Variants in SNTG1 observed in about 807,000 individuals in gnomAD.
SNTG1 encodes the protein syntrophin gamma 1.
In SNTG1, 39 loss-of-function variants were observed where a neutral mutation model predicts 74.7. The ratio of observed to expected loss-of-function variants is 0.52; its 90% CI spans 0.40 to 0.68. The LOEUF (loss-of-function observed/expected upper bound fraction) is 0.68, where lower values mean the gene tolerates loss of function less well. Among genes scored for constraint, SNTG1 ranks in the 30% least tolerant of loss-of-function variants. The probability of loss-of-function intolerance (pLI) is 0.00; values close to 1 mark genes in which losing one functional copy is unlikely to be tolerated. For missense variants in SNTG1, 685 were observed against 609.5 expected (o/e 1.12, Z -1.30); for synonymous variants, 254 against 217.1 (o/e 1.17, Z -1.49).
chr8:50,087,607 C>T (rs1823016599), intron 1 of SNTG1, among the ~76,000 whole-genome samples: 1 of 152,038 alleles, frequency 6.6e-6, no homozygotes, highest in African/African-American at 2.4e-5. Context: ...ATATATTCTA[C>T]TTAGTTCTGT....
intron 1 of SNTG1, among the ~76,000 whole-genome samples, chr8:50,115,623 T>C (rs1323593770): frequency 6.9e-6 from 1 of 144,584 alleles, no homozygotes; most frequent in Non-Finnish European, 1.5e-5. Context: ...AAAGTTGCTA[T>C]GATACTCTGC....
At chr8:50,738,379 A>C (rs2095534351) in intron 17 of SNTG1, among the ~76,000 whole-genome samples, 1 of 152,304 alleles carries the variant, frequency 6.6e-6, no homozygotes, top group East Asian at 1.9e-4. Flanking sequence ...TTCAAAGAGA[A>C]CTAGAAACCA....
intron 9 of SNTG1, among the ~76,000 whole-genome samples, chr8:50,525,488 G>A (rs996856149): frequency 4.0e-5 from 6 of 151,440 alleles, no homozygotes; most frequent in Admixed American, 3.3e-4. Context: ...TTCTTTTTTC[G>A]GACTTCTATA....
At chr8:49,959,796 T>G (rs551085449) in intron 1 of SNTG1, among the ~76,000 whole-genome samples, 10 of 152,206 alleles carry the variant, frequency 6.6e-5, no homozygotes, top group Non-Finnish European at 1.2e-4. Flanking sequence ...ATGCTATAAT[T>G]TACAGTTAGT....
intron 2 of SNTG1, among the ~76,000 whole-genome samples, chr8:50,329,410 C>T (rs917253058): frequency 1.2e-4 from 19 of 152,204 alleles, no homozygotes; most frequent in African/African-American, 3.6e-4. Context: ...GACATCCGCG[C>T]ATTCCCAAAC....
At chr8:50,506,484 T>A (rs1278347251) in intron 9 of SNTG1, among the ~76,000 whole-genome samples, 1 of 152,094 alleles carries the variant, frequency 6.6e-6, no homozygotes, top group Non-Finnish European at 1.5e-5. Flanking sequence ...CAGCATGGGA[T>A]GTCTTTCTAT....
chr8:50,283,048 C>T (rs1272038837), intron 2 of SNTG1, among the ~76,000 whole-genome samples: 1 of 152,034 alleles, frequency 6.6e-6, no homozygotes, highest in Non-Finnish European at 1.5e-5. Flanking sequence ...TGTATTTTAC[C>T]GTATTGCTCC....
intron 4 of SNTG1, among the ~76,000 whole-genome samples, chr8:50,410,546 C>T (rs1342261345): frequency 6.6e-6 from 1 of 152,126 alleles, no homozygotes; most frequent in East Asian, 1.9e-4. Flanking sequence ...TATACATACA[C>T]ATTGTGTAAT....
intron 2 of SNTG1, among the ~76,000 whole-genome samples, chr8:50,327,147 G>A (rs546515961): frequency 6.6e-6 from 1 of 152,078 alleles, no homozygotes; most frequent in Admixed American, 6.6e-5. Context: ...ATGTGAGCTT[G>A]AGAAGAATGT....
At chr8:49,955,065 G>T (rs1211151973) in intron 1 of SNTG1, among the ~76,000 whole-genome samples, 1 of 152,134 alleles carries the variant, frequency 6.6e-6, no homozygotes, top group Non-Finnish European at 1.5e-5. Context: ...GGTATCTTTA[G>T]TGTTATGTTT....
intron 1 of SNTG1, among the ~76,000 whole-genome samples, chr8:49,983,257 G>A (rs944685222): frequency 3.3e-5 from 5 of 152,128 alleles, no homozygotes; most frequent in Non-Finnish European, 5.9e-5. Context: ...ATTAATCATT[G>A]TAAACAGCGA....
chr8:50,417,389 T>A (rs1332713088), intron 4 of SNTG1, among the ~76,000 whole-genome samples: 3 of 152,162 alleles, frequency 2.0e-5, no homozygotes, highest in African/African-American at 7.2e-5. Flanking sequence ...ACCTATGTGA[T>A]CCTCACACTT....
At chr8:50,756,151 C>T (rs1222972448) in intron 18 of SNTG1, among the ~76,000 whole-genome samples, 1 of 151,796 alleles carries the variant, frequency 6.6e-6, no homozygotes, top group Admixed American at 6.6e-5. Context: ...TTTTCCTTAG[C>T]ATCTTTTATC....
At chr8:50,111,591 ACC>A (rs2080591689) in intron 1 of SNTG1, among the ~76,000 whole-genome samples, 1 of 152,138 alleles carries the variant, frequency 6.6e-6, no homozygotes, top group Non-Finnish European at 1.5e-5. Context: ...TGTTTAAGCC[ACC>A]AAGTCTATGA....
In SNTG1 at chr8:50,794,125, A is replaced by C. The variant is rs146623863; in HGVS notation, c.*1296A>C. 1.8e-4 allele frequency: 28 copies of C among 151,960 alleles called. No individual in the cohort carries two copies. The highest frequency in any genetic ancestry group is 6.7e-4 in the African/African-American group (28 of 41,510). The allele number at this position is 151,960 out of a possible 1,614,324, so 9.4% of individuals were successfully genotyped here. Reference sequence around the variant, plus strand: ...AAAAAGTCAGCTGTGTATGTAAAAAAAAAAAAAAATTTTTATTGATACACA... The same window carrying C: ...AAAAAGTCAGCTGTGTATGTAAAAACAAAAAAAAATTTTTATTGATACACA... On this transcript the variant is annotated 3_prime_UTR_variant, in exon 19 of 19. Coordinates refer to ENST00000642720, the MANE Select transcript of SNTG1 (RefSeq NM_018967.5).
At chr8:50,539,825 T>G (rs2130443410) in intron 11 of SNTG1, among the ~76,000 whole-genome samples, 1 of 152,316 alleles carries the variant, frequency 6.6e-6, no homozygotes, top group South Asian at 2.1e-4. Context: ...ATGGTTCCAT[T>G]GGTATTTGAC....
chr8:50,141,510 T>C (rs1227737142), intron 1 of SNTG1, among the ~76,000 whole-genome samples: 1 of 152,140 alleles, frequency 6.6e-6, no homozygotes, highest in Non-Finnish European at 1.5e-5. Context: ...ATGAGAGATA[T>C]GAATATGTGC....
At chr8:50,274,457 T>C (rs2130334174) in intron 2 of SNTG1, among the ~76,000 whole-genome samples, 1 of 152,208 alleles carries the variant, frequency 6.6e-6, no homozygotes, top group South Asian at 2.1e-4. Flanking sequence ...ATTATTGGGA[T>C]TTTTTACATA....
chr8:50,017,701 G>A (rs2130641231), intron 1 of SNTG1, among the ~76,000 whole-genome samples: 1 of 151,920 alleles, frequency 6.6e-6, no homozygotes, highest in Admixed American at 6.6e-5. Context: ...GTCAAAAAAT[G>A]GAAGATATAT....
Sources: allele counts gnomAD v4.1 joint callset (sites outside exome capture counted in the v4.1 genomes callset), GRCh38; gene constraint gnomAD v4.1.1; transcripts MANE v1.5; gene names NCBI Gene and HGNC (gene_info 2026-07-23, HGNC 2026-07-21).